TENM3: variants seen among roughly 807,000 people sequenced by gnomAD.
The protein encoded by TENM3 is teneurin-3.
In TENM3, 63 loss-of-function variants were observed where a neutral mutation model predicts 255.1. The observed-to-expected ratio is 0.25, with a 90% confidence interval of 0.20 to 0.30. The LOEUF is 0.30. Ranked by LOEUF, TENM3 falls within the 10% of genes least tolerant of loss-of-function variation. TENM3 has a pLI of 1.00. For synonymous variants in TENM3, 1,306 were observed against 1,322.3 expected (o/e 0.99, Z 0.27); for missense variants, 2,929 against 3,461.1 (o/e 0.85, Z 3.86).
At chr4:182,380,361 A>C (rs2150916137) in intron 3 of TENM3, among the ~76,000 whole-genome samples, 1 of 152,312 alleles carries the variant, frequency 6.6e-6, no homozygotes, top group South Asian at 2.1e-4. Flanking sequence ...GTAAAGTGAG[A>C]TAAATGGAGG....
At chr4:181,605,568 A>AAGAAAGAAAGAAAGAG in the TENM3 span, among the ~76,000 whole-genome samples, 2 of 42,200 alleles carry the variant, frequency 4.7e-5, no homozygotes, top group East Asian at 6.3e-4. Context: ...GAAAGAAAGA[A>AAGAAAGAAAGAAAGAG]AGAGAGAGAA....
At chr4:181,723,811 A>G in the TENM3 span, among the ~76,000 whole-genome samples, 6 of 152,130 alleles carry the variant, frequency 3.9e-5, no homozygotes, top group African/African-American at 1.4e-4. Flanking sequence ...GACAATTCTC[A>G]ATGGATTTTT....
At chr4:182,302,779 TG>T (rs966217478) in intron 1 of TENM3, among the ~76,000 whole-genome samples, 1 of 152,220 alleles carries the variant, frequency 6.6e-6, no homozygotes, top group Non-Finnish European at 1.5e-5. Context: ...GTGCTGGTTT[TG>T]GAGGCATTCT....
chr4:181,885,679 TC>T, the TENM3 span, among the ~76,000 whole-genome samples: 2 of 152,186 alleles, frequency 1.3e-5, no homozygotes, highest in Admixed American at 1.3e-4. Flanking sequence ...TAAAAATAAT[TC>T]ATAGAGACCA....
intron 1 of TENM3, among the ~76,000 whole-genome samples, chr4:182,212,810 A>G (rs772377134): frequency 4.6e-5 from 7 of 152,234 alleles, no homozygotes; most frequent in Non-Finnish European, 7.3e-5. Context: ...GGTGCAAAAG[A>G]TCACTGGTCC....
the TENM3 span, among the ~76,000 whole-genome samples, chr4:181,859,663 T>C: frequency 6.6e-6 from 1 of 152,218 alleles, no homozygotes; most frequent in Non-Finnish European, 1.5e-5. Flanking sequence ...GTGGTACCAA[T>C]GTACTTTGAC....
At chr4:182,758,416 C>T (rs1241420960) in intron 22 of TENM3, among the ~76,000 whole-genome samples, 1 of 152,162 alleles carries the variant, frequency 6.6e-6, no homozygotes, top group Non-Finnish European at 1.5e-5. Flanking sequence ...CACGTATTGT[C>T]TGTGTAAGTT....
chr4:181,614,722 C>T, the TENM3 span, among the ~76,000 whole-genome samples: 5 of 152,186 alleles, frequency 3.3e-5, no homozygotes, highest in South Asian at 6.2e-4. Flanking sequence ...CTTCTATGGG[C>T]GATTTGCAAC....
chr4:181,868,658 G>C, the TENM3 span, among the ~76,000 whole-genome samples: 4 of 152,168 alleles, frequency 2.6e-5, no homozygotes, highest in African/African-American at 7.2e-5. Context: ...TAAAGCAAAA[G>C]ATTGTCTTTT....
At chr4:182,590,751 G>T (rs1417652815) in intron 3 of TENM3, among the ~76,000 whole-genome samples, 1 of 143,118 alleles carries the variant, frequency 7.0e-6, no homozygotes, top group African/African-American at 2.5e-5. Flanking sequence ...ACTACTCGGG[G>T]GGCAGGAGAA....
intron 1 of TENM3, among the ~76,000 whole-genome samples, chr4:182,307,336 C>T (rs924794287): frequency 6.6e-6 from 1 of 152,088 alleles, no homozygotes; most frequent in African/African-American, 2.4e-5. Flanking sequence ...TGCTAATTGG[C>T]CCCCTACTGG....
At chr4:181,963,191 A>T in the TENM3 span, among the ~76,000 whole-genome samples, 1 of 152,250 alleles carries the variant, frequency 6.6e-6, no homozygotes, top group Admixed American at 6.5e-5. Flanking sequence ...TCTCAAACAG[A>T]TGGGGAGCCC....
At chr4:181,589,253 T>C in the TENM3 span, among the ~76,000 whole-genome samples, 2 of 152,226 alleles carry the variant, frequency 1.3e-5, no homozygotes. Context: ...GGTGGCCTCA[T>C]GTAAACACAT....
the TENM3 span, among the ~76,000 whole-genome samples, chr4:181,979,638 G>C: frequency 6.6e-6 from 1 of 152,112 alleles, no homozygotes; most frequent in African/African-American, 2.4e-5. Context: ...GTGGGGACCA[G>C]TGTTGTTTGT....
At chr4:182,054,203 T>C in the TENM3 span, among the ~76,000 whole-genome samples, 4 of 152,186 alleles carry the variant, frequency 2.6e-5, no homozygotes, top group South Asian at 2.1e-4. Flanking sequence ...TCTGCCAAGA[T>C]GGCCTCTCCC....
In TENM3 at chr4:182,751,838, C is replaced by G; in HGVS notation, c.3668C>G (p.Pro1223Arg). The G allele has an allele frequency of 6.2e-7, 1 of 1,613,932 alleles. No individual in the cohort carries two copies. The highest frequency in any genetic ancestry group is 8.5e-7 in the Non-Finnish European group (1 of 1,179,884). The change falls in exon 20 of 28, where the codon CCA (proline) becomes CGA (arginine). Residue 1223 changes from proline to arginine, a missense_variant. Pro to Arg is a moderately radical substitution (Grantham distance 103, BLOSUM62 -2). Around this residue, in one of 6 missense-constraint regions of TENM3, gnomAD observed 1,608 missense variants for 1,884.4 expected, o/e 0.85. Transcript: ENST00000511685. The part of the protein sequence containing the change: ...PAHRYYLATD[P>R]VTGDLYVSDT... Reference sequence around the variant, plus strand: ...CATAGATACTACCTTGCAACGGATCCAGTCACGGGAGATCTGTACGTTTCT... The same window carrying G: ...CATAGATACTACCTTGCAACGGATCGAGTCACGGGAGATCTGTACGTTTCT...
Position 182,801,146 on chromosome 4 carries a change from A to T in TENM3, c.*795A>T, listed in dbSNP as rs1397146810. 1 of 144,494 alleles carries T rather than the reference A, an allele frequency of 6.9e-6. No homozygotes were observed. The highest frequency in any genetic ancestry group is 1.5e-5 in the Non-Finnish European group (1 of 66,488). 9.0% of individuals were successfully genotyped at this position (144,494 alleles called of 1,614,324 possible). On this transcript the variant is annotated 3_prime_UTR_variant, in exon 28 of 28. Transcript: ENST00000511685. The stretch of plus-strand genomic sequence containing the variant: ...AAAACGTGAACTGTGTGATTTTTTT[A>T]AAAGGATTGCACCTTTTGTTATCTG...
the TENM3 span, among the ~76,000 whole-genome samples, chr4:182,131,207 C>G: frequency 6.6e-6 from 1 of 152,266 alleles, no homozygotes; most frequent in South Asian, 2.1e-4. Flanking sequence ...TACAATTTAA[C>G]CCTGAACATA....
At chr4:182,166,391 G>A (rs1481547210) in intron 1 of TENM3, among the ~76,000 whole-genome samples, 1 of 152,140 alleles carries the variant, frequency 6.6e-6, no homozygotes, top group Non-Finnish European at 1.5e-5. Context: ...TCTGCCATGA[G>A]ATTGAAGCTT....
Sources: gnomAD v4.1 joint callset for allele counts (sites outside exome capture counted in the v4.1 genomes callset) on GRCh38, gnomAD v4.1.1 for gene constraint, gnomAD v4.1.1 regional missense constraint, MANE v1.5 for transcripts, NCBI Gene and HGNC (gene_info 2026-07-23, HGNC 2026-07-21) for gene names.